The following DGKI variants were observed in gnomAD, a reference collection of about 807,000 sequenced individuals.
DGKI encodes DAG kinase iota.
In DGKI, 55 loss-of-function variants were observed where a neutral mutation model predicts 147.5. The observed-to-expected ratio is 0.37, with a 90% CI of 0.30 to 0.47. The LOEUF is 0.47. Ranked by LOEUF, DGKI falls within the 20% of genes least tolerant of loss-of-function variation. The pLI, the probability that DGKI is intolerant of heterozygous loss-of-function variation, is 1.00. For missense variants in DGKI, 1,007 were observed against 1,323.8 expected (o/e 0.76, Z 3.71); for synonymous variants, 469 against 477.1 (o/e 0.98, Z 0.22).
rs1008064100 is a variant in DGKI, at chr7:137,383,636, C to A, written c.*7584G>T. The stretch of plus-strand genomic sequence containing the variant: ...TAACTACTAGAAGAAACAGTGATAA[C>A]AACTTCACTGTTTTTCAGAAAGCCC... On this transcript the variant is annotated 3_prime_UTR_variant, in exon 33 of 33. Coordinates refer to ENST00000614521, the MANE Select transcript of DGKI (RefSeq NM_001321708.2). The A allele has an allele frequency of 2.0e-5, 3 of 151,926 alleles. No homozygotes were observed. The highest frequency in any genetic ancestry group is 7.2e-5 in the African/African-American group (3 of 41,400). 9.4% of individuals were successfully genotyped at this position (151,926 alleles called of 1,614,324 possible).
rs1309104012 is a variant in DGKI at position 137,382,581 on chromosome 7, A to T, written c.*8639T>A. The T allele has an allele frequency of 6.6e-6, 1 of 152,134 alleles. No individual in the cohort carries two copies. The highest frequency in any genetic ancestry group is 2.4e-5 in the African/African-American group (1 of 41,448). The allele number at this position is 152,134 out of a possible 1,614,324, so 9.4% of individuals were successfully genotyped here. The stretch of plus-strand genomic sequence containing the variant: ...CTTGAAGCCACTTTGAACAAATTTA[A>T]TCTTTCTGTATGTTTCCTGAGTTTG... On this transcript the variant is annotated 3_prime_UTR_variant, in exon 33 of 33. Transcript: ENST00000614521.
At chr7:137,422,794 C>T (rs62487732) in intron 28 of DGKI, among the ~76,000 whole-genome samples, 3 of 151,576 alleles carry the variant, frequency 2.0e-5, no homozygotes, top group African/African-American at 2.4e-5. Flanking sequence ...TTAGTAGAGA[C>T]GGGTTTTAAC....
chr7:137,761,264 T>C (rs748907190), intron 1 of DGKI, among the ~76,000 whole-genome samples: 10 of 152,172 alleles, frequency 6.6e-5, no homozygotes, highest in Non-Finnish European at 1.3e-4. Flanking sequence ...TCCTAACAAG[T>C]GATTGTGGTG....
intron 1 of DGKI, among the ~76,000 whole-genome samples, chr7:137,844,478 G>C (rs1798652345): frequency 6.6e-6 from 1 of 152,208 alleles, no homozygotes; most frequent in Non-Finnish European, 1.5e-5. Flanking sequence ...GATTCTGCAA[G>C]TCTAGGGTGG....
chr7:137,609,671 A>G (rs1585282551), intron 8 of DGKI, 62 bp from the exon 9 acceptor site: 2 of 1,175,212 alleles, frequency 1.7e-6, no homozygotes, highest in East Asian at 2.3e-5. Flanking sequence ...TTTCCCATGC[A>G]GAACCAAGTA....
At chr7:137,549,117 A>T (rs1421293149) in intron 20 of DGKI, among the ~76,000 whole-genome samples, 1 of 152,206 alleles carries the variant, frequency 6.6e-6, no homozygotes, top group Non-Finnish European at 1.5e-5. Flanking sequence ...TGGTAGTTTC[A>T]TGTGTACAGC....
chr7:137,564,968 C>T (rs975570120), intron 19 of DGKI, among the ~76,000 whole-genome samples: 8 of 152,220 alleles, frequency 5.3e-5, no homozygotes. Context: ...CATCCAGGAA[C>T]TCTATATGCC....
At chr7:137,824,104 A>G (rs1185123669) in intron 1 of DGKI, among the ~76,000 whole-genome samples, 1 of 152,198 alleles carries the variant, frequency 6.6e-6, no homozygotes, top group East Asian at 1.9e-4. Context: ...AAAAAAAATT[A>G]CCAAACAGCA....
intron 1 of DGKI, among the ~76,000 whole-genome samples, chr7:137,716,619 G>C (rs552185649): frequency 1.3e-5 from 2 of 152,332 alleles, no homozygotes; most frequent in South Asian, 4.1e-4. Context: ...TGCAGGGTGT[G>C]TTGAAAGACT....
At chr7:137,599,144 G>A (rs970713904) in intron 11 of DGKI, among the ~76,000 whole-genome samples, 30 of 151,984 alleles carry the variant, frequency 2.0e-4, no homozygotes, top group Non-Finnish European at 3.8e-4. Context: ...AATTTAAAAC[G>A]GAGAACCAGA....
intron 1 of DGKI, among the ~76,000 whole-genome samples, chr7:137,724,214 G>A (rs1051457641): frequency 3.9e-5 from 6 of 152,168 alleles, no homozygotes; most frequent in Non-Finnish European, 8.8e-5. Context: ...GCAAGCGAGG[G>A]AGGAGGTGAC....
intron 1 of DGKI, among the ~76,000 whole-genome samples, chr7:137,781,164 C>T (rs1350737009): frequency 6.6e-6 from 1 of 152,130 alleles, no homozygotes; most frequent in Non-Finnish European, 1.5e-5. Flanking sequence ...GTGGGCTGTG[C>T]ATCTGAGACA....
At chr7:137,669,983 A>T (rs1004030389) in intron 3 of DGKI, among the ~76,000 whole-genome samples, 3 of 152,164 alleles carry the variant, frequency 2.0e-5, no homozygotes, top group Non-Finnish European at 2.9e-5. Flanking sequence ...TGGGGAAATT[A>T]TGGGTTCCAC....
chr7:137,836,680 C>T (rs1798390606), intron 1 of DGKI, among the ~76,000 whole-genome samples: 1 of 152,148 alleles, frequency 6.6e-6, no homozygotes, highest in Non-Finnish European at 1.5e-5. Context: ...CCCCAGGAAA[C>T]TGGATTTATT....
chr7:137,620,228 A>T (rs945968803), intron 7 of DGKI, among the ~76,000 whole-genome samples: 3 of 152,184 alleles, frequency 2.0e-5, no homozygotes, highest in African/African-American at 7.2e-5. Context: ...AAATCAGTCT[A>T]GCAGGATGAA....
At chr7:137,821,861 G>A (rs904720464) in intron 1 of DGKI, among the ~76,000 whole-genome samples, 23 of 152,304 alleles carry the variant, frequency 1.5e-4, no homozygotes, top group Non-Finnish European at 3.2e-4. Context: ...GAGGCATCAG[G>A]TAGTGCTGAA....
intron 1 of DGKI, among the ~76,000 whole-genome samples, chr7:137,727,836 AAG>A (rs1282122120): frequency 1.3e-5 from 2 of 152,294 alleles, no homozygotes; most frequent in East Asian, 3.9e-4. Context: ...TTAAGAATCT[AAG>A]AAATTTTGCT....
At chr7:137,723,247 T>C (rs942047590) in intron 1 of DGKI, among the ~76,000 whole-genome samples, 1 of 152,212 alleles carries the variant, frequency 6.6e-6, no homozygotes, top group Non-Finnish European at 1.5e-5. Context: ...TAGCTGAAGA[T>C]GTACTGGTGA....
chr7:137,600,214 A>T (rs1819940572), intron 10 of DGKI, among the ~76,000 whole-genome samples: 1 of 152,110 alleles, frequency 6.6e-6, no homozygotes, highest in Non-Finnish European at 1.5e-5. Context: ...ACACCATTGC[A>T]CTCCAGCCTG....
Sources: gnomAD v4.1 joint callset for allele counts (sites outside exome capture counted in the v4.1 genomes callset) on GRCh38, gnomAD v4.1.1 for gene constraint, MANE v1.5 for transcripts, NCBI Gene and HGNC (gene_info 2026-07-23, HGNC 2026-07-21) for gene names.